PRKCQ: variants seen among roughly 807,000 people sequenced by gnomAD.
PRKCQ encodes the protein protein kinase C theta type.
In PRKCQ, 41 loss-of-function variants were observed where a neutral mutation model predicts 91.2. That is an observed-to-expected ratio of 0.45 (90% confidence interval 0.35 to 0.58). The LOEUF (loss-of-function observed/expected upper bound fraction) is 0.58, where lower values mean the gene tolerates loss of function less well. PRKCQ is among the 20% of genes least tolerant of loss of function. The pLI is 0.00. For synonymous variants in PRKCQ, 307 were observed against 316.9 expected, an observed-to-expected ratio of 0.97 and a Z score of 0.33; for missense variants, 673 against 896.5, an observed-to-expected ratio of 0.75 and a Z score of 3.18.
intron 4 of PRKCQ, among the ~76,000 whole-genome samples, chr10:6,498,801 T>G (rs1172032635): frequency 6.6e-6 from 1 of 152,192 alleles, no homozygotes; most frequent in Non-Finnish European, 1.5e-5. Context: ...GATTGCTGGC[T>G]CAATCCTTCG....
At chr10:6,473,697 C>T (rs1206121854) in intron 12 of PRKCQ, among the ~76,000 whole-genome samples, 1 of 152,150 alleles carries the variant, frequency 6.6e-6, no homozygotes, top group Non-Finnish European at 1.5e-5. Context: ...GGGCTCCTAG[C>T]TCAACTGAAA....
intron 1 of PRKCQ, among the ~76,000 whole-genome samples, chr10:6,556,351 G>C (rs535649617): frequency 2.1e-5 from 3 of 145,738 alleles, no homozygotes; most frequent in Non-Finnish European, 4.5e-5. Flanking sequence ...AGGAATGTTT[G>C]AGCCCAGGAG....
At chr10:6,394,287 C>T in the PRKCQ span, among the ~76,000 whole-genome samples, 1 of 152,182 alleles carries the variant, frequency 6.6e-6, no homozygotes. Context: ...GTGGCCTGAT[C>T]TCCAGAGACA....
chr10:6,413,745 A>ACG, the PRKCQ span, among the ~76,000 whole-genome samples: 2 of 146,130 alleles, frequency 1.4e-5, 1 homozygote, highest in Non-Finnish European at 3.0e-5. Flanking sequence ...ACACACACAC[A>ACG]CTAGGAAGCA....
chr10:6,513,813 G>GGCA (rs1338326602), intron 2 of PRKCQ, among the ~76,000 whole-genome samples: 1 of 152,166 alleles, frequency 6.6e-6, no homozygotes, highest in African/African-American at 2.4e-5. Flanking sequence ...CTGAGCATCT[G>GGCA]GCAGGAGGTT....
At position 6,485,915 on chromosome 10, in the gene PRKCQ, G is replaced by A. The variant is rs998647755; in HGVS notation, c.900+120C>T. 1.7e-4 allele frequency: 134 copies of A among 798,616 alleles called. 3 individuals carry two copies. Among genetic ancestry groups the A allele is most frequent in the South Asian group, 1.4e-3 (88 of 61,864 alleles). The allele number at this position is 798,616 out of a possible 1,614,324, so 49.5% of individuals were successfully genotyped here. ...GGATATGAAAGCCAAGGGCAAGGCC[G>A]GTGCTCAGAAATACATCCCGGCATT... On this transcript the variant is annotated intron_variant, in intron 9 of 17. Coordinates refer to ENST00000263125, the MANE Select transcript of PRKCQ (RefSeq NM_006257.5).
chr10:6,506,045 G>A (rs930871686), intron 4 of PRKCQ, among the ~76,000 whole-genome samples: 1 of 152,090 alleles, frequency 6.6e-6, no homozygotes, highest in Non-Finnish European at 1.5e-5. Flanking sequence ...CTATTATTTA[G>A]GTCAGCACTT....
chr10:6,416,196 C>T, the PRKCQ span, among the ~76,000 whole-genome samples: 53 of 151,952 alleles, frequency 3.5e-4, 1 homozygote, highest in African/African-American at 1.1e-3. Context: ...AAAGATTCTT[C>T]TTTTTTTAAA....
At chr10:6,476,467 T>TAA in intron 12 of PRKCQ, among the ~76,000 whole-genome samples, 1 of 152,146 alleles carries the variant, frequency 6.6e-6, no homozygotes, top group Non-Finnish European at 1.5e-5. Context: ...TTAACAACTG[T>TAA]TAGTTTTTCA....
chr10:6,447,812 G>C (rs781193054), intron 15 of PRKCQ, among the ~76,000 whole-genome samples: 2 of 152,202 alleles, frequency 1.3e-5, no homozygotes, highest in Non-Finnish European at 2.9e-5. Context: ...TTACAGACAC[G>C]TTTGTAGGTG....
the PRKCQ span, among the ~76,000 whole-genome samples, chr10:6,407,809 C>T: frequency 1.3e-5 from 2 of 152,030 alleles, no homozygotes; most frequent in African/African-American, 4.8e-5. This position sits in a 1 kb window ranked among gnomAD's most constrained non-coding sequence, Gnocchi z 4.0. Flanking sequence ...ATATCCCCAC[C>T]TAACTCATTC....
chr10:6,503,321 G>A (rs1006582617), intron 4 of PRKCQ, among the ~76,000 whole-genome samples: 5 of 152,202 alleles, frequency 3.3e-5, no homozygotes, highest in African/African-American at 1.2e-4. Flanking sequence ...TCTGAGTGAT[G>A]ATATGTGGGT....
chr10:6,435,169 G>A (rs1221685222), intron 16 of PRKCQ, among the ~76,000 whole-genome samples: 1 of 152,184 alleles, frequency 6.6e-6, no homozygotes, highest in Non-Finnish European at 1.5e-5. Context: ...TGGAATTCTT[G>A]CCAGAGCACA....
At chr10:6,461,428 T>C (rs1184059095) in intron 14 of PRKCQ, among the ~76,000 whole-genome samples, 1 of 152,266 alleles carries the variant, frequency 6.6e-6, no homozygotes, top group Non-Finnish European at 1.5e-5. Flanking sequence ...GGTGAGTATT[T>C]CTCAATTTCC....
At chr10:6,479,511 T>C (rs965406558) in intron 11 of PRKCQ, among the ~76,000 whole-genome samples, 1 of 151,774 alleles carries the variant, frequency 6.6e-6, no homozygotes, top group African/African-American at 2.4e-5. Context: ...AAGAGTTGAG[T>C]GTGGAGAGGA....
rs766782041 is a variant in PRKCQ at position 6,456,666 on chromosome 10, A to G, written c.1647+8T>C. 4 of 1,613,850 alleles carry G rather than the reference A, an allele frequency of 2.5e-6. No homozygotes were observed. The African/African-American group carries it at 4.0e-5, about 16-fold the overall frequency. Reference sequence around the variant, plus strand: ...TGAGGTGGGAGCAGCCTGTCACTGCATTCCTACCTCTGGGGCGATGTAGTC... The same window carrying G: ...TGAGGTGGGAGCAGCCTGTCACTGCGTTCCTACCTCTGGGGCGATGTAGTC... On this transcript the variant is annotated splice_region_variant and intron_variant, in intron 15 of 17. Transcript: ENST00000263125.
the PRKCQ span, among the ~76,000 whole-genome samples, chr10:6,418,253 GA>G: frequency 3.9e-5 from 6 of 152,204 alleles, no homozygotes; most frequent in East Asian, 9.6e-4. Flanking sequence ...CTGAGGCTTG[GA>G]AAAAAATTCT....
At chr10:6,531,396 T>C (rs1391807671) in intron 1 of PRKCQ, among the ~76,000 whole-genome samples, 1 of 150,870 alleles carries the variant, frequency 6.6e-6, no homozygotes, top group Non-Finnish European at 1.5e-5. Flanking sequence ...TTGTCACAAA[T>C]GGCGGGAGGG....
intron 12 of PRKCQ, among the ~76,000 whole-genome samples, chr10:6,466,252 G>A (rs556380075): frequency 8.5e-5 from 13 of 152,290 alleles, no homozygotes; most frequent in African/African-American, 2.2e-4. Context: ...GAAAGTGGTG[G>A]GAGGGGACTG....
Sources: allele counts gnomAD v4.1 joint callset (sites outside exome capture counted in the v4.1 genomes callset), GRCh38; gene constraint gnomAD v4.1.1; non-coding constraint Gnocchi (gnomAD v3.1); transcripts MANE v1.5; gene names NCBI Gene and HGNC (gene_info 2026-07-23, HGNC 2026-07-21).